Variants in ULK4 observed in about 807,000 individuals in gnomAD.
ULK4 encodes unc-51 like kinase 4.
A neutral mutation model predicts 160.6 loss-of-function variants in ULK4; 133 were observed. That is an observed-to-expected ratio of 0.83 (90% CI 0.72 to 0.96). ULK4 has a LOEUF of 0.96. Ranked by LOEUF, ULK4 falls within the 40% of genes least tolerant of loss-of-function variation. The pLI, the probability that ULK4 is intolerant of heterozygous loss-of-function variation, is 0.00. For missense variants in ULK4, 1,580 were observed against 1,499.5 expected (o/e 1.05, Z -0.89); for synonymous variants, 534 against 539.8 (o/e 0.99, Z 0.15).
intron 22 of ULK4, among the ~76,000 whole-genome samples, chr3:41,719,655 T>G (rs1384742351): frequency 1.3e-5 from 2 of 152,270 alleles, no homozygotes; most frequent in South Asian, 2.1e-4. Context: ...TCCAAACCAA[T>G]AGCAAGCTAC....
At chr3:41,799,022 G>C (rs2040381062) in intron 20 of ULK4, among the ~76,000 whole-genome samples, 1 of 152,124 alleles carries the variant, frequency 6.6e-6, no homozygotes, top group South Asian at 2.1e-4. Flanking sequence ...AGTTGGGATA[G>C]TTCTCATTAG....
Position 41,789,838 on chromosome 3 carries a change from C to G in ULK4, c.2016G>C (p.Leu672Phe), listed in dbSNP as rs773177564. 1.1e-5 allele frequency: 17 copies of G among 1,604,204 alleles called. No individual in the cohort carries two copies. The highest frequency in any genetic ancestry group is 1.3e-5 in the African/African-American group (1 of 74,472). The change falls in exon 21 of 37, where the codon TTG becomes TTC. Residue 672 changes from leucine (L) to phenylalanine (F), a missense_variant. Transcript: ENST00000301831. The stretch of plus-strand genomic sequence containing the variant: ...TAGGAGAATGGCGAGTGATTCTACA[C>G]AAGGCCTACAAAGACAAGAGAACAG... ...DSLRITAVSA[L>F]CRITRHSPTA... is the part of the protein sequence containing the mutation.
chr3:41,847,995 T>G (rs1206951078), intron 17 of ULK4, among the ~76,000 whole-genome samples: 1 of 152,192 alleles, frequency 6.6e-6, no homozygotes, highest in African/African-American at 2.4e-5. Flanking sequence ...CTTGCAAGGT[T>G]GTCTATAGGA....
chr3:41,401,212 A>G (rs2082171925), intron 34 of ULK4, among the ~76,000 whole-genome samples: 1 of 152,142 alleles, frequency 6.6e-6, no homozygotes, highest in African/African-American at 2.4e-5. Flanking sequence ...CTTTGCTGAA[A>G]CACGTGTCCT....
intron 32 of ULK4, among the ~76,000 whole-genome samples, chr3:41,530,341 C>T (rs563641039): frequency 1.2e-4 from 18 of 152,230 alleles, no homozygotes; most frequent in East Asian, 1.9e-4. Context: ...AAAACTGAGA[C>T]GAAATGTCCG....
chr3:41,274,683 G>A (rs1007701573), intron 35 of ULK4, among the ~76,000 whole-genome samples: 24 of 152,268 alleles, frequency 1.6e-4, no homozygotes, highest in African/African-American at 5.8e-4. Context: ...TATTGAAGCA[G>A]AATAAAATTT....
At chr3:41,564,021 T>C (rs1437809020) in intron 32 of ULK4, among the ~76,000 whole-genome samples, 2 of 152,200 alleles carry the variant, frequency 1.3e-5, no homozygotes, top group East Asian at 1.9e-4. Context: ...TTCTTTGATA[T>C]TGGTGACCTA....
intron 35 of ULK4, among the ~76,000 whole-genome samples, chr3:41,345,921 AG>A (rs1385901168): frequency 6.6e-6 from 1 of 152,044 alleles, no homozygotes; most frequent in African/African-American, 2.4e-5. Flanking sequence ...AGGAATTTGC[AG>A]GGGGGAGGTG....
intron 18 of ULK4, among the ~76,000 whole-genome samples, chr3:41,832,437 T>C (rs771339102): frequency 2.0e-5 from 3 of 152,236 alleles, no homozygotes; most frequent in Admixed American, 6.5e-5. Context: ...TTCTGGGTAT[T>C]AGACCTTTGT....
intron 30 of ULK4, 123 bp from the exon 31 acceptor site, chr3:41,615,840 T>C (rs1466693220): frequency 8.2e-6 from 7 of 858,210 alleles, no homozygotes; most frequent in Non-Finnish European, 1.2e-5. Flanking sequence ...AGAAATAGTA[T>C]GATTAAACAT....
intron 15 of ULK4, among the ~76,000 whole-genome samples, chr3:41,896,350 G>A (rs1364313380): frequency 6.6e-6 from 1 of 152,120 alleles, no homozygotes; most frequent in Non-Finnish European, 1.5e-5. Context: ...TGCCTCCCGG[G>A]TTCAAGTGAT....
rs79351593 is a variant in ULK4, at chr3:41,757,925, C to T, written c.2194-3437G>A. Among the ~76,000 whole-genome samples the T allele has an allele frequency of 2.1e-3, 315 of 152,256 alleles. 8 individuals carry two copies. The East Asian group carries it at 0.05, about 24-fold the overall frequency. ...CACAGGCGTGAGCCACCATGCCTGG[C>T]CGAAATGCTCTGATTTTACCTGCTA... On this transcript the variant is annotated intron_variant, in intron 21 of 36. Coordinates refer to ENST00000301831, the MANE Select transcript of ULK4 (RefSeq NM_017886.4).
At chr3:41,945,416 G>A (rs1271042285) in intron 2 of ULK4, among the ~76,000 whole-genome samples, 1 of 152,110 alleles carries the variant, frequency 6.6e-6, no homozygotes, top group Non-Finnish European at 1.5e-5. Flanking sequence ...TGAGGAACAG[G>A]AGAACATGCC....
At chr3:41,422,388 G>A (rs868324828) in intron 34 of ULK4, among the ~76,000 whole-genome samples, 9 of 152,082 alleles carry the variant, frequency 5.9e-5, no homozygotes, top group Admixed American at 2.0e-4. Context: ...ATTACACCTT[G>A]CAGATTCCTA....
intron 21 of ULK4, among the ~76,000 whole-genome samples, chr3:41,771,400 G>C (rs193216020): frequency 1.3e-5 from 2 of 152,074 alleles, no homozygotes; most frequent in East Asian, 3.9e-4. Flanking sequence ...CATTTATAAA[G>C]AACAAAAGGA....
intron 17 of ULK4, among the ~76,000 whole-genome samples, chr3:41,836,568 G>A (rs2041763835): frequency 6.6e-6 from 1 of 151,982 alleles, no homozygotes; most frequent in East Asian, 1.9e-4. Flanking sequence ...GCTGAGAGAG[G>A]TTCCAGCAAC....
At chr3:41,454,027 T>G (rs1314170975) in intron 34 of ULK4, among the ~76,000 whole-genome samples, 2 of 51,118 alleles carry the variant, frequency 3.9e-5, no homozygotes, top group Non-Finnish European at 3.3e-5. Flanking sequence ...GGGCCTGTCA[T>G]GGGGTGGGGG....
chr3:41,924,517 CA>C (rs1699310401), intron 5 of ULK4, among the ~76,000 whole-genome samples: 1 of 152,086 alleles, frequency 6.6e-6, no homozygotes, highest in Admixed American at 6.6e-5. Context: ...CCTATTTTTC[CA>C]AAACACAGCT....
intron 31 of ULK4, among the ~76,000 whole-genome samples, chr3:41,580,528 C>T (rs908886796): frequency 3.3e-5 from 5 of 150,510 alleles, no homozygotes; most frequent in African/African-American, 4.9e-5. Flanking sequence ...AGAAAAATGC[C>T]AACAGCAACG....
Sources: allele counts gnomAD v4.1 joint callset (sites outside exome capture counted in the v4.1 genomes callset), GRCh38; gene constraint gnomAD v4.1.1; transcripts MANE v1.5; gene names NCBI Gene and HGNC (gene_info 2026-07-23, HGNC 2026-07-21).